Variants in UBAP2 observed in about 807,000 individuals in gnomAD.
The protein encoded by UBAP2 is ubiquitin associated protein 2.
In UBAP2, 75 loss-of-function variants were observed where a neutral mutation model predicts 139.6. The observed-to-expected ratio is 0.54, with a 90% CI of 0.45 to 0.65. The LOEUF is 0.65. Ranked by LOEUF, UBAP2 falls within the 30% of genes least tolerant of loss-of-function variation. The probability of loss-of-function intolerance (pLI) is 0.00; values close to 1 mark genes in which losing one functional copy is unlikely to be tolerated. For synonymous variants in UBAP2, 526 were observed against 526.2 expected, an observed-to-expected ratio of 1.00 and a Z score of 0.01; for missense variants, 1,368 against 1,369.6, an observed-to-expected ratio of 1.00 and a Z score of 0.02.
Position 33,948,560 on chromosome 9 carries a change from C to T in UBAP2, c.1084G>A (p.Glu362Lys). The T allele has an allele frequency of 6.2e-7, 1 of 1,614,174 alleles. No individual in the cohort carries two copies. The highest frequency in any genetic ancestry group is 8.5e-7 in the Non-Finnish European group (1 of 1,180,030). Residue 362 changes from glutamate to lysine, a missense_variant, in exon 13 of 29, where the codon GAG (glutamate) becomes AAG (lysine). Transcript: ENST00000379238. Reference protein sequence around the residue: ...LSSVLGSGFGELAPPKMANIT... With the variant: ...LSSVLGSGFGKLAPPKMANIT... ...TTTGCCATTTTTGGTGGTGCAAGCT[C>T]TCCAAATCCTGAGCCAAGGACGGAT...
At position 33,935,890 on chromosome 9, in the gene UBAP2, AG is replaced by A. The variant is rs1427016595; in HGVS notation, c.1930-13del. ...CCACCATGTCCATTCTATAAGGAAA[AG>A]AAGAGAAGAGAATATAAACTTACAA... is the stretch of plus-strand genomic sequence containing the variant. On this transcript the variant is annotated splice_polypyrimidine_tract_variant and intron_variant, in intron 16 of 28. Coordinates refer to ENST00000379238, the MANE Select transcript of UBAP2 (RefSeq NM_001370062.2). The A allele has an allele frequency of 7.5e-6, 12 of 1,609,968 alleles. No individual in the cohort carries two copies. The highest frequency in any genetic ancestry group is 9.3e-6 in the Non-Finnish European group (11 of 1,179,100).
At chr9:33,965,510 T>C (rs1223815344) in intron 8 of UBAP2, among the ~76,000 whole-genome samples, 1 of 152,234 alleles carries the variant, frequency 6.6e-6, no homozygotes, top group Non-Finnish European at 1.5e-5. Flanking sequence ...ATATAAGAGA[T>C]CTTTGCCTAA....
chr9:33,996,477 G>T, intron 3 of UBAP2, 144 bp from the exon 4 acceptor site: 2 of 581,046 alleles, frequency 3.4e-6, no homozygotes, highest in South Asian at 2.4e-5. Flanking sequence ...ATGAGGACAT[G>T]TTTACTTATT....
Position 34,007,322 on chromosome 9 carries a change from C to T in UBAP2, c.100-8458G>A, listed in dbSNP as rs775760736. Among the ~76,000 whole-genome samples, 18 of 152,042 alleles carry T rather than the reference C, an allele frequency of 1.2e-4. No individual in the cohort carries two copies. The Middle Eastern group carries it at 0.01, about 86-fold the overall frequency. On this transcript the variant is annotated intron_variant, in intron 2 of 28. Coordinates refer to ENST00000379238, the MANE Select transcript of UBAP2 (RefSeq NM_001370062.2). ...CAGCCCTGTGGGTAACTTGGTGAGACGCTGTCTCTTCAAAAAATAAAACAT... is the reference window on the plus strand; with the variant it reads ...CAGCCCTGTGGGTAACTTGGTGAGATGCTGTCTCTTCAAAAAATAAAACAT...
chr9:33,984,154 T>C (rs1317264233), intron 6 of UBAP2, among the ~76,000 whole-genome samples: 1 of 152,030 alleles, frequency 6.6e-6, no homozygotes, highest in Non-Finnish European at 1.5e-5. Context: ...TCTGCCCACC[T>C]TGGCCTCCCA....
intron 6 of UBAP2, among the ~76,000 whole-genome samples, chr9:33,975,148 G>A (rs1036515739): frequency 2.6e-5 from 4 of 151,896 alleles, no homozygotes; most frequent in Admixed American, 1.3e-4. Flanking sequence ...ACAAGTGTTG[G>A]CGGCCGGGCG....
At chr9:34,013,498 T>TA (rs1564062556) in intron 2 of UBAP2, among the ~76,000 whole-genome samples, 1 of 149,350 alleles carries the variant, frequency 6.7e-6, no homozygotes, top group African/African-American at 2.5e-5. Flanking sequence ...TCTCAAAAAA[T>TA]AAAAAACTCT....
chr9:33,962,680 A>ATAAATAAATAAATAAATAATTAAT lies in UBAP2; in HGVS notation c.745+1045_745+1046insATTAATTATTTATTTATTTATTTA, dbSNP rs368021223. On this transcript the variant is annotated intron_variant, in intron 9 of 28. Coordinates refer to ENST00000379238, the MANE Select transcript of UBAP2 (RefSeq NM_001370062.2). Reference sequence around the variant, plus strand: ...AATAAATAAATAAATAAATAAATAAATAATTAAAAAATAGGGCCTGGAGCA... The same window carrying ATAAATAAATAAATAAATAATTAAT: ...AATAAATAAATAAATAAATAAATAAATAAATAAATAAATAAATAATTAATTAATTAAAAAATAGGGCCTGGAGCA... 7.6e-5 allele frequency among the ~76,000 whole-genome samples: 11 copies of ATAAATAAATAAATAAATAATTAAT among 145,652 alleles called. No homozygotes were observed. In the South Asian group the frequency reaches 2.4e-3, roughly 32 times the overall value.
intron 4 of UBAP2, chr9:33,995,404 A>AT (rs1822078372): frequency 7.2e-6 from 1 of 138,270 alleles, no homozygotes. Context: ...AAATATATAT[A>AT]TAAAGTATAT....
intron 1 of UBAP2, among the ~76,000 whole-genome samples, chr9:34,030,447 T>A (rs558692746): frequency 2.0e-5 from 3 of 150,040 alleles, no homozygotes; most frequent in Admixed American, 1.3e-4. Context: ...AGATTCCATC[T>A]CAAAAACAAA....
intron 2 of UBAP2, among the ~76,000 whole-genome samples, chr9:33,999,071 C>T (rs146136674): frequency 2.0e-4 from 31 of 152,296 alleles, no homozygotes; most frequent in Non-Finnish European, 3.5e-4. Flanking sequence ...AGGACCCATT[C>T]CTTTGACCAA....
At chr9:33,985,263 G>A (rs919993220) in intron 6 of UBAP2, among the ~76,000 whole-genome samples, 10 of 152,040 alleles carry the variant, frequency 6.6e-5, no homozygotes, top group African/African-American at 2.4e-4. Flanking sequence ...TTTGTTACAT[G>A]CAGAGAATAT....
rs1337900885 is a variant in UBAP2 at position 33,984,236 on chromosome 9, A to G, written c.520+2524T>C. ...CTGGGATTTAAAAATATGGTCTCCA[A>G]TTTAGCCTCAGCATTAAGGAAGTAT... is the stretch of plus-strand genomic sequence containing the variant. On this transcript the variant is annotated intron_variant, in intron 6 of 28. Transcript: ENST00000379238. Among the ~76,000 whole-genome samples the G allele has an allele frequency of 3.3e-5, 5 of 152,162 alleles. 1 individual carries two copies. Among genetic ancestry groups the G allele is most frequent in the Non-Finnish European group, 7.3e-5 (5 of 68,028 alleles).
chr9:34,038,607 T>A (rs567417291), intron 1 of UBAP2, among the ~76,000 whole-genome samples: 1 of 152,218 alleles, frequency 6.6e-6, no homozygotes, highest in Non-Finnish European at 1.5e-5. Flanking sequence ...CAGGCTGGAG[T>A]GCAGTGGCGT....
At chr9:33,968,424 T>TA (rs1390897289) in intron 8 of UBAP2, 5 of 562,728 alleles carry the variant, frequency 8.9e-6, no homozygotes, top group South Asian at 4.2e-5. Flanking sequence ...AGGGCATACA[T>TA]AGTCATGGCC....
At chr9:34,045,459 C>G (rs1827495319) in intron 1 of UBAP2, among the ~76,000 whole-genome samples, 1 of 152,056 alleles carries the variant, frequency 6.6e-6, no homozygotes, top group Non-Finnish European at 1.5e-5. Context: ...CAGCAACCTC[C>G]ACCTCCCAGG....
intron 3 of UBAP2, chr9:33,996,955 C>T (rs1331663019): frequency 6.6e-6 from 1 of 152,184 alleles, no homozygotes; most frequent in Non-Finnish European, 1.5e-5. Context: ...ATTGCTTCAG[C>T]CCTGGAGGTG....
intron 1 of UBAP2, among the ~76,000 whole-genome samples, chr9:34,027,242 AG>A (rs1825476965): frequency 6.6e-6 from 1 of 151,844 alleles, no homozygotes; most frequent in Non-Finnish European, 1.5e-5. Flanking sequence ...GCACTTTGGG[AG>A]GCTGAGGCGG....
chr9:33,958,915 A>T lies in UBAP2; in HGVS notation c.798+1911T>A, dbSNP rs561144174. Among the ~76,000 whole-genome samples, 5 of 151,806 alleles carry T rather than the reference A, an allele frequency of 3.3e-5. No homozygotes were observed. The East Asian group carries it at 9.8e-4, about 30-fold the overall frequency. On this transcript the variant is annotated intron_variant, in intron 10 of 28. Transcript: ENST00000379238. ...TGTAATCCCAGACCTTTGAGAAGCC[A>T]AGTCGGACAGATCACCTGAGGTTAG...
Sources: gnomAD v4.1 joint callset for allele counts (sites outside exome capture counted in the v4.1 genomes callset) on GRCh38, gnomAD v4.1.1 for gene constraint, MANE v1.5 for transcripts, NCBI Gene and HGNC (gene_info 2026-07-23, HGNC 2026-07-21) for gene names.